SLC35F4: variants seen among roughly 807,000 people sequenced by gnomAD.
SLC35F4 encodes the protein solute carrier family 35 member F4.
In SLC35F4, 24 loss-of-function variants were observed where a neutral mutation model predicts 44.2. The ratio of observed to expected loss-of-function variants is 0.54; its 90% CI spans 0.39 to 0.76. The LOEUF is 0.76. Ranked by LOEUF, SLC35F4 falls within the 30% of genes least tolerant of loss-of-function variation. The pLI, the probability that SLC35F4 is intolerant of heterozygous loss-of-function variation, is 0.00. For synonymous variants in SLC35F4, 238 were observed against 223.6 expected (o/e 1.06, Z -0.57); for missense variants, 562 against 586.1 (o/e 0.96, Z 0.42).
intron 1 of SLC35F4, among the ~76,000 whole-genome samples, chr14:57,864,553 G>A (rs761696947): frequency 1.3e-5 from 2 of 152,156 alleles, no homozygotes; most frequent in African/African-American, 2.4e-5. Flanking sequence ...GCATGGTAGG[G>A]GAGAAAGTTA....
chr14:57,915,049 A>T (rs1889290977), intron 1 of SLC35F4, among the ~76,000 whole-genome samples: 1 of 152,204 alleles, frequency 6.6e-6, no homozygotes, highest in Non-Finnish European at 1.5e-5. Context: ...TTAAGCCTGC[A>T]GACAAAACCA....
At chr14:57,754,688 T>C (rs2076956742) in intron 1 of SLC35F4, among the ~76,000 whole-genome samples, 1 of 152,212 alleles carries the variant, frequency 6.6e-6, no homozygotes, top group Non-Finnish European at 1.5e-5. Context: ...TTATGTGGCC[T>C]TCCTGCTCCT....
rs756026947 is a variant in SLC35F4 at position 57,589,493 on chromosome 14, G to A, written c.310C>T (p.His104Tyr). Residue 104 changes from histidine (H) to tyrosine (Y), a missense_variant, in exon 3 of 8, where the codon CAT becomes TAT. Transcript: ENST00000556826. ...TTTTCTTGGCTGCTGTTCTCAGAAT[G>A]AGTCTGTGTCCCATCGTCTGCTGGA... ...NRSADDGTQT[H>Y]SENSSQENRI... The A allele has an allele frequency of 1.1e-5, 18 of 1,612,860 alleles. No individual in the cohort carries two copies. In the East Asian group the frequency reaches 2.7e-4, roughly 24 times the overall value.
chr14:57,859,290 A>G (rs1887469858), intron 1 of SLC35F4, among the ~76,000 whole-genome samples: 2 of 152,340 alleles, frequency 1.3e-5, no homozygotes, highest in South Asian at 4.1e-4. Context: ...AACAATATAG[A>G]CCAACGAGAT....
intron 1 of SLC35F4, among the ~76,000 whole-genome samples, chr14:57,896,101 T>G (rs1888863006): frequency 6.6e-6 from 1 of 152,156 alleles, no homozygotes; most frequent in Non-Finnish European, 1.5e-5. Flanking sequence ...AGATCCACTG[T>G]GCACATCTCC....
At chr14:57,849,565 A>G (rs1886364651) in intron 1 of SLC35F4, among the ~76,000 whole-genome samples, 1 of 152,194 alleles carries the variant, frequency 6.6e-6, no homozygotes, top group South Asian at 2.1e-4. Flanking sequence ...AGGAGATAAG[A>G]GAAGATATTC....
At chr14:57,611,331 A>C (rs1160377106) in intron 1 of SLC35F4, among the ~76,000 whole-genome samples, 1 of 152,196 alleles carries the variant, frequency 6.6e-6, no homozygotes, top group Non-Finnish European at 1.5e-5. Flanking sequence ...GTATGGGTGA[A>C]GAAGACAGGA....
intron 1 of SLC35F4, among the ~76,000 whole-genome samples, chr14:57,944,190 C>A (rs938602790): frequency 6.6e-6 from 1 of 152,138 alleles, no homozygotes; most frequent in Non-Finnish European, 1.5e-5. Context: ...CCAGGCTGAC[C>A]AAAAGAGGGT....
At chr14:57,574,100 C>T (rs1246171457) in intron 4 of SLC35F4, among the ~76,000 whole-genome samples, 2 of 152,136 alleles carry the variant, frequency 1.3e-5, no homozygotes, top group Admixed American at 6.5e-5. Flanking sequence ...AAAATCCTGT[C>T]TAGAAAAGGA....
chr14:57,969,074 A>G (rs1450821251), intron 1 of SLC35F4, among the ~76,000 whole-genome samples: 1 of 152,254 alleles, frequency 6.6e-6, no homozygotes, highest in East Asian at 1.9e-4. Flanking sequence ...AGGTCATCTG[A>G]CACATGAAGA....
At chr14:57,821,757 T>G (rs141910511) in intron 1 of SLC35F4, among the ~76,000 whole-genome samples, 3 of 152,338 alleles carry the variant, frequency 2.0e-5, no homozygotes, top group African/African-American at 7.2e-5. Context: ...GAAAGCCTGG[T>G]GCTGGTCTAA....
intron 1 of SLC35F4, among the ~76,000 whole-genome samples, chr14:57,677,333 C>T (rs959805958): frequency 1.3e-5 from 2 of 151,486 alleles, no homozygotes; most frequent in Non-Finnish European, 2.9e-5. Flanking sequence ...GATGGGTGCA[C>T]CAAAACCTCA....
At chr14:57,933,082 C>A (rs1253693203) in intron 1 of SLC35F4, among the ~76,000 whole-genome samples, 1 of 149,542 alleles carries the variant, frequency 6.7e-6, no homozygotes, top group African/African-American at 2.5e-5. Context: ...GTTGCCCAAG[C>A]GCGACCTTGG....
intron 1 of SLC35F4, among the ~76,000 whole-genome samples, chr14:57,838,778 G>A (rs1315501278): frequency 6.6e-6 from 1 of 152,024 alleles, no homozygotes; most frequent in African/African-American, 2.4e-5. Context: ...GGGCCAGGGA[G>A]ATTATAGGTG....
chr14:57,852,552 A>G (rs1886676775), intron 1 of SLC35F4, among the ~76,000 whole-genome samples: 1 of 152,228 alleles, frequency 6.6e-6, no homozygotes, highest in African/African-American at 2.4e-5. Flanking sequence ...AGAAAGGAAC[A>G]AGACAAGCAG....
intron 1 of SLC35F4, among the ~76,000 whole-genome samples, chr14:57,741,929 A>G (rs1197130779): frequency 6.6e-6 from 1 of 152,184 alleles, no homozygotes; most frequent in Non-Finnish European, 1.5e-5. Flanking sequence ...CAACATTCTC[A>G]AAGAAAGGAA....
chr14:57,795,587 T>A (rs1739194196), intron 1 of SLC35F4, among the ~76,000 whole-genome samples: 1 of 152,130 alleles, frequency 6.6e-6, no homozygotes. Context: ...GTTAGAACTA[T>A]CAGCTACAGG....
chr14:57,937,966 C>T (rs371145783), intron 1 of SLC35F4, among the ~76,000 whole-genome samples: 54 of 152,228 alleles, frequency 3.5e-4, no homozygotes, highest in South Asian at 1.0e-3. Context: ...TGAGAATTCG[C>T]GCCTCTAATA....
At chr14:57,604,700 A>T (rs2071044140) in intron 1 of SLC35F4, among the ~76,000 whole-genome samples, 1 of 152,254 alleles carries the variant, frequency 6.6e-6, no homozygotes, top group Non-Finnish European at 1.5e-5. Flanking sequence ...ACCTGACTCC[A>T]AACTAATGCT....
Sources: allele counts gnomAD v4.1 joint callset (sites outside exome capture counted in the v4.1 genomes callset), GRCh38; gene constraint gnomAD v4.1.1; transcripts MANE v1.5; gene names NCBI Gene and HGNC (gene_info 2026-07-23, HGNC 2026-07-21).